Variants in CCDC178 observed in about 807,000 individuals in gnomAD.
The protein encoded by CCDC178 is coiled-coil domain containing 178.
In CCDC178, 126 loss-of-function variants were observed where a neutral mutation model predicts 117.4. That is an observed-to-expected ratio of 1.07 (90% CI 0.93 to 1.24). CCDC178 has a LOEUF of 1.24. Ranked by LOEUF, CCDC178 falls within the 50% of genes most tolerant of loss-of-function variation. The pLI is 0.00. For synonymous variants in CCDC178, 283 were observed against 313.4 expected (o/e 0.90, Z 1.02); for missense variants, 1,030 against 986.9 (o/e 1.04, Z -0.59).
intron 12 of CCDC178, among the ~76,000 whole-genome samples, chr18:33,282,989 G>C (rs1315359908): frequency 2.6e-5 from 4 of 152,230 alleles, no homozygotes; most frequent in Middle Eastern, 3.4e-3. Context: ...ACCACACACA[G>C]AGTCTCCAGC....
At chr18:33,371,571 T>C (rs1568182615) in intron 5 of CCDC178, among the ~76,000 whole-genome samples, 1 of 151,946 alleles carries the variant, frequency 6.6e-6, no homozygotes, top group African/African-American at 2.4e-5. Flanking sequence ...ATTTTAAAAG[T>C]ATGGCAAAAT....
At chr18:32,975,913 A>G (rs1201899239) in intron 21 of CCDC178, among the ~76,000 whole-genome samples, 1 of 152,142 alleles carries the variant, frequency 6.6e-6, no homozygotes, top group Non-Finnish European at 1.5e-5. Context: ...TTTTGTATAT[A>G]TATTTCAATA....
intron 3 of CCDC178, among the ~76,000 whole-genome samples, chr18:33,406,827 C>A (rs1197294801): frequency 6.6e-6 from 1 of 152,124 alleles, no homozygotes. Flanking sequence ...TCCTAACAAA[C>A]ATGCTAATAA....
chr18:33,131,861 A>C (rs577487372), intron 20 of CCDC178, among the ~76,000 whole-genome samples: 32 of 151,842 alleles, frequency 2.1e-4, no homozygotes, highest in Non-Finnish European at 3.5e-4. Flanking sequence ...TACAAATATT[A>C]ACTTTTTATA....
intron 21 of CCDC178, among the ~76,000 whole-genome samples, chr18:33,006,010 T>C (rs1473067041): frequency 2.6e-5 from 4 of 152,066 alleles, no homozygotes; most frequent in Non-Finnish European, 5.9e-5. Context: ...GAGAAATAAA[T>C]AAGCACATTT....
chr18:33,289,159 TATG>T (rs1251313947), intron 12 of CCDC178, among the ~76,000 whole-genome samples: 1 of 152,196 alleles, frequency 6.6e-6, no homozygotes. Flanking sequence ...CTCTCTTGCC[TATG>T]TAGCAGTGTA....
chr18:33,142,681 G>T (rs1300634829), intron 20 of CCDC178, among the ~76,000 whole-genome samples: 2 of 152,116 alleles, frequency 1.3e-5, no homozygotes, highest in East Asian at 3.9e-4. Flanking sequence ...GATGTATCAA[G>T]ACCAGATATT....
chr18:33,336,067 C>T (rs1420103213), intron 9 of CCDC178, among the ~76,000 whole-genome samples: 1 of 152,104 alleles, frequency 6.6e-6, no homozygotes, highest in Non-Finnish European at 1.5e-5. Context: ...TTTAAGCACA[C>T]AGACAGCAGG....
intron 6 of CCDC178, among the ~76,000 whole-genome samples, chr18:33,361,919 A>T (rs1599220868): frequency 6.6e-6 from 1 of 151,876 alleles, no homozygotes; most frequent in East Asian, 1.9e-4. Flanking sequence ...TAAAAATAGG[A>T]CTACCACATG....
chr18:33,370,167 A>G lies in CCDC178; in HGVS notation c.231T>C (p.Phe77=). Residue 77 remains phenylalanine (F), a synonymous_variant, in exon 6 of 23, where the codon TTT becomes TTC. Coordinates refer to ENST00000383096, the MANE Select transcript of CCDC178 (RefSeq NM_001105528.4). ...NTEGVNKGIY[F]SYPCRRHSCA... ...AGCTGTGACGTCGACATGGGTAGCT[A>G]AAGTAAATGCCTTTATTCACCCCTA... The G allele has an allele frequency of 6.2e-7, 1 of 1,603,562 alleles. No homozygotes were observed. The highest frequency in any genetic ancestry group is 1.1e-5 in the South Asian group (1 of 89,428).
At position 33,187,691 on chromosome 18, in the gene CCDC178, C is replaced by A. The variant is rs12326657; in HGVS notation, c.2238+24205G>T. ...ATGGTGAAATAAGGCTGGATCAGGC[C>A]AAATTTATTCATACGATTGCACTAA... On this transcript the variant is annotated intron_variant, in intron 20 of 22. Transcript: ENST00000383096. 6.6e-3 allele frequency among the ~76,000 whole-genome samples: 1,005 copies of A among 152,174 alleles called. 14 individuals are homozygous for A. The highest frequency in any genetic ancestry group is 0.022 in the African/African-American group (934 of 41,534).
intron 20 of CCDC178, among the ~76,000 whole-genome samples, chr18:33,104,582 C>A (rs77889686): frequency 6.6e-6 from 1 of 151,644 alleles, no homozygotes; most frequent in African/African-American, 2.4e-5. Flanking sequence ...TTCCTCAGCC[C>A]TCTTTCTTCC....
chr18:33,070,794 A>G (rs567088070), intron 21 of CCDC178, among the ~76,000 whole-genome samples: 1 of 152,216 alleles, frequency 6.6e-6, no homozygotes, highest in South Asian at 2.1e-4. Flanking sequence ...ATGTGGAATT[A>G]TTATGTATCA....
intron 20 of CCDC178, among the ~76,000 whole-genome samples, chr18:33,175,240 A>C (rs1335080032): frequency 6.6e-6 from 1 of 152,060 alleles, no homozygotes; most frequent in Non-Finnish European, 1.5e-5. Context: ...ATTAACACAA[A>C]ATCTGTCTTC....
intron 2 of CCDC178, among the ~76,000 whole-genome samples, chr18:33,435,085 G>A (rs966914346): frequency 5.9e-5 from 9 of 152,074 alleles, no homozygotes; most frequent in South Asian, 2.1e-4. Context: ...ATGAGGGACC[G>A]TCTGCAGAAT....
At chr18:33,347,166 C>T (rs1444697711) in intron 8 of CCDC178, among the ~76,000 whole-genome samples, 1 of 152,086 alleles carries the variant, frequency 6.6e-6, no homozygotes, top group African/African-American at 2.4e-5. Flanking sequence ...TGCCTATAAA[C>T]ACTGACTTTT....
At chr18:33,124,823 C>A (rs994561614) in intron 20 of CCDC178, among the ~76,000 whole-genome samples, 1 of 152,140 alleles carries the variant, frequency 6.6e-6, no homozygotes, top group African/African-American at 2.4e-5. Flanking sequence ...ATAGCAGTAG[C>A]GTTTATAAAC....
chr18:33,329,454 G>A (rs2062633818), intron 10 of CCDC178, among the ~76,000 whole-genome samples: 1 of 152,176 alleles, frequency 6.6e-6, no homozygotes, highest in East Asian at 1.9e-4. Context: ...TTCATAGTGA[G>A]CAAGTTTTCT....
intron 6 of CCDC178, among the ~76,000 whole-genome samples, 175 bp downstream of exon 6, chr18:33,369,875 T>C (rs373440514): frequency 6.6e-6 from 1 of 151,810 alleles, no homozygotes; most frequent in Admixed American, 6.6e-5. Context: ...CCTTCTGGAG[T>C]GAGACTATCA....
Sources: gnomAD v4.1 joint callset for allele counts (sites outside exome capture counted in the v4.1 genomes callset) on GRCh38, gnomAD v4.1.1 for gene constraint, MANE v1.5 for transcripts, NCBI Gene and HGNC (gene_info 2026-07-23, HGNC 2026-07-21) for gene names.